GRIK3: variants seen among roughly 807,000 people sequenced by gnomAD.
GRIK3 encodes glutamate receptor ionotropic, kainate 3.
GRIK3 carries 29 observed loss-of-function variants against 102.5 expected under a neutral mutation model. That is an observed-to-expected ratio of 0.28 (90% confidence interval 0.21 to 0.39). The LOEUF (loss-of-function observed/expected upper bound fraction) is 0.39. Among genes scored for constraint, GRIK3 ranks in the 10% least tolerant of loss-of-function variants. The pLI, the probability that GRIK3 is intolerant of heterozygous loss-of-function variation, is 1.00. For missense variants in GRIK3, 908 were observed against 1,252.4 expected, an observed-to-expected ratio of 0.73 and a Z score of 4.15; for synonymous variants, 511 against 504.9, an observed-to-expected ratio of 1.01 and a Z score of -0.16.
chr1:36,867,899 C>T (rs562940785), intron 5 of GRIK3, among the ~76,000 whole-genome samples: 4 of 152,202 alleles, frequency 2.6e-5, no homozygotes, highest in East Asian at 3.9e-4. Flanking sequence ...GGTGGGGGGT[C>T]GTTGAGTTGG....
Position 36,872,395 on chromosome 1 carries a change from C to T in GRIK3, c.551-26G>A, listed in dbSNP as rs1557709532. ...CTGAGGGGCCATGGAGCACAAAAGACACACGTGTACCACATGTATCCACAG... is the reference window on the plus strand; with the variant it reads ...CTGAGGGGCCATGGAGCACAAAAGATACACGTGTACCACATGTATCCACAG... On this transcript the variant is annotated intron_variant, in intron 3 of 15. Transcript: ENST00000373091. The surrounding 1 kb of genome is among the most constrained non-coding windows in gnomAD (Gnocchi z 5.9). The T allele has an allele frequency of 1.3e-6, 2 of 1,537,016 alleles. No individual in the cohort carries two copies. Among genetic ancestry groups the T allele is most frequent in the East Asian group, 2.3e-5 (1 of 43,158 alleles).
Position 36,806,877 on chromosome 1 carries a change from C to T in GRIK3, c.2092-551G>A, listed in dbSNP as rs1194425210. ...CCTCAGCTGCCCTGCCTCACAGAAACCACTGTGAGGGTGGAGGGGGAGAGA... is the reference window on the plus strand; with the variant it reads ...CCTCAGCTGCCCTGCCTCACAGAAATCACTGTGAGGGTGGAGGGGGAGAGA... On this transcript the variant is annotated intron_variant, in intron 13 of 15. Transcript: ENST00000373091. The surrounding 1 kb of genome is among the most constrained non-coding windows in gnomAD (Gnocchi z 4.0). Among the ~76,000 whole-genome samples the T allele has an allele frequency of 6.6e-6, 1 of 152,174 alleles. No homozygotes were observed. The highest frequency in any genetic ancestry group is 1.5e-5 in the Non-Finnish European group (1 of 68,028).
intron 1 of GRIK3, among the ~76,000 whole-genome samples, chr1:36,946,654 C>A (rs1557435728): frequency 6.6e-6 from 1 of 152,222 alleles, no homozygotes; most frequent in Non-Finnish European, 1.5e-5. Flanking sequence ...TCAGCCGCCA[C>A]CCACACAACC....
chr1:36,960,643 C>A lies in GRIK3; in HGVS notation c.116-69547G>T, dbSNP rs75227805. ...GTCTCTGAGAAATAGAGGAGCAGAG[C>A]AGAGCCCTGTATCCAGCCTCAAGGC... On this transcript the variant is annotated intron_variant, in intron 1 of 15. Coordinates refer to ENST00000373091, the MANE Select transcript of GRIK3 (RefSeq NM_000831.4). Among the ~76,000 whole-genome samples the A allele has an allele frequency of 6.4e-3, 982 of 152,304 alleles. 13 individuals are homozygous for A. The highest frequency in any genetic ancestry group is 0.023 in the African/African-American group (936 of 41,564).
chr1:36,837,866 G>A (rs517957), intron 10 of GRIK3, among the ~76,000 whole-genome samples: 29,391 of 152,142 alleles, frequency 0.19, 3,379 homozygotes, highest in African/African-American at 0.32. Context: ...AGTGCCCCAA[G>A]TAAAGTAAGA....
chr1:36,970,268 C>T (rs1557446391), intron 1 of GRIK3, among the ~76,000 whole-genome samples: 1 of 152,184 alleles, frequency 6.6e-6, no homozygotes, highest in Non-Finnish European at 1.5e-5. Context: ...TTAATGTGAA[C>T]TAGGAGGTCA....
chr1:36,869,467 G>A (rs1281217252), intron 5 of GRIK3, among the ~76,000 whole-genome samples: 1 of 152,202 alleles, frequency 6.6e-6, no homozygotes, highest in East Asian at 1.9e-4. Context: ...AAGAAACTGA[G>A]GCAGGGAGGT....
At chr1:36,911,914 T>G (rs1641349958) in intron 1 of GRIK3, among the ~76,000 whole-genome samples, 1 of 151,976 alleles carries the variant, frequency 6.6e-6, no homozygotes, top group South Asian at 2.1e-4. Flanking sequence ...CTGTCCCACC[T>G]CCGCGGTCAG....
intron 1 of GRIK3, among the ~76,000 whole-genome samples, chr1:36,942,661 C>T (rs1269757295): frequency 1.3e-5 from 2 of 151,682 alleles, no homozygotes; most frequent in Non-Finnish European, 2.9e-5. Flanking sequence ...CCAAACCCCA[C>T]CCCCAACCCT....
At chr1:36,869,635 C>T in intron 5 of GRIK3, 113 bp downstream of exon 5, 1 of 829,476 alleles carries the variant, frequency 1.2e-6, no homozygotes, top group Non-Finnish European at 2.1e-6. Context: ...ACCCCTACAG[C>T]CTGAGGAAGC....
At chr1:36,927,404 C>T (rs75205453) in intron 1 of GRIK3, among the ~76,000 whole-genome samples, 25 of 152,232 alleles carry the variant, frequency 1.6e-4, no homozygotes, top group Middle Eastern at 3.4e-3. Flanking sequence ...TTTAACTGTT[C>T]GACTTTATGG....
Position 36,872,766 on chromosome 1 carries a change from G to A in GRIK3, c.551-397C>T, listed in dbSNP as rs113254808. ...ACCCAGAATGGGTGTAAAGCCTTCA[G>A]GGCCTAAATCAGAGTTCACCCCTCT... On this transcript the variant is annotated intron_variant, in intron 3 of 15. Coordinates refer to ENST00000373091, the MANE Select transcript of GRIK3 (RefSeq NM_000831.4). This position sits in a 1 kb window ranked among gnomAD's most constrained non-coding sequence, Gnocchi z 5.9. Among the ~76,000 whole-genome samples, 1,501 of 152,284 alleles carry A rather than the reference G, an allele frequency of 9.9e-3. 21 individuals are homozygous for A. The highest frequency in any genetic ancestry group is 0.035 in the African/African-American group (1,438 of 41,544).
chr1:36,856,888 T>C (rs565580821), intron 7 of GRIK3, among the ~76,000 whole-genome samples: 109 of 152,072 alleles, frequency 7.2e-4, no homozygotes, highest in African/African-American at 2.5e-3. Flanking sequence ...GGAGACCTGG[T>C]AGTGGAACCC....
intron 1 of GRIK3, among the ~76,000 whole-genome samples, chr1:37,009,931 T>C (rs1265507244): frequency 1.3e-5 from 2 of 151,690 alleles, no homozygotes; most frequent in Non-Finnish European, 2.9e-5. Flanking sequence ...GCCCTGTTAA[T>C]GGGAGAAGAG....
chr1:36,823,134 C>T lies in GRIK3; in HGVS notation c.1754+2469G>A, dbSNP rs192098516. On this transcript the variant is annotated intron_variant, in intron 11 of 15. Coordinates refer to ENST00000373091, the MANE Select transcript of GRIK3 (RefSeq NM_000831.4). ...TCACCAGGAGTGAAGGGGAGATGGC[C>T]GCATTCACCCTACAGATATGTTGTG... is the stretch of plus-strand genomic sequence containing the variant. 1.2e-4 allele frequency among the ~76,000 whole-genome samples: 18 copies of T among 152,116 alleles called. No homozygotes were observed. The East Asian group carries it at 2.9e-3, about 25-fold the overall frequency.
chr1:36,892,515 CA>C (rs11375993), intron 1 of GRIK3, among the ~76,000 whole-genome samples: 20 of 141,018 alleles, frequency 1.4e-4, no homozygotes, highest in Middle Eastern at 3.6e-3. Context: ...ATGACCAGCA[CA>C]AAAAAAAAAA....
At chr1:36,844,292 T>A (rs144362513) in intron 9 of GRIK3, among the ~76,000 whole-genome samples, 66 of 152,324 alleles carry the variant, frequency 4.3e-4, no homozygotes, top group African/African-American at 1.6e-3. Flanking sequence ...TTAATCTCAG[T>A]GCCTCTCTCA....
chr1:36,960,698 CT>C (rs1641997030), intron 1 of GRIK3, among the ~76,000 whole-genome samples: 1 of 152,234 alleles, frequency 6.6e-6, no homozygotes, highest in African/African-American at 2.4e-5. Context: ...CAGACTTCCG[CT>C]GCTAAGCCTG....
intron 1 of GRIK3, among the ~76,000 whole-genome samples, chr1:36,892,082 A>T (rs1364451859): frequency 6.6e-6 from 1 of 152,218 alleles, no homozygotes; most frequent in African/African-American, 2.4e-5. Context: ...GCAGTGGCAC[A>T]ATCTCTGCTC....
Sources: allele counts gnomAD v4.1 joint callset (sites outside exome capture counted in the v4.1 genomes callset), GRCh38; gene constraint gnomAD v4.1.1; non-coding constraint Gnocchi (gnomAD v3.1); transcripts MANE v1.5; gene names NCBI Gene and HGNC (gene_info 2026-07-23, HGNC 2026-07-21).